Variants in TMEM132D observed in about 807,000 individuals in gnomAD.
The protein encoded by TMEM132D is mature OL transmembrane protein.
A neutral mutation model predicts 62.3 loss-of-function variants in TMEM132D; 21 were observed. That is an observed-to-expected ratio of 0.34 (90% CI 0.24 to 0.49). The LOEUF is 0.49. Among genes scored for constraint, TMEM132D ranks in the 20% least tolerant of loss-of-function variants. TMEM132D has a pLI of 0.99. For synonymous variants in TMEM132D, 621 were observed against 575.6 expected (o/e 1.08, Z -1.13); for missense variants, 1,346 against 1,402.8 (o/e 0.96, Z 0.65).
At chr12:129,355,841 T>C (rs1870024563) in intron 3 of TMEM132D, among the ~76,000 whole-genome samples, 1 of 152,180 alleles carries the variant, frequency 6.6e-6, no homozygotes. Flanking sequence ...CTAAAGTGCC[T>C]GAGAGTTCCT....
chr12:129,777,686 G>A (rs1870983694), intron 1 of TMEM132D, among the ~76,000 whole-genome samples: 1 of 152,118 alleles, frequency 6.6e-6, no homozygotes, highest in African/African-American at 2.4e-5. Context: ...ACAACTCAGA[G>A]GAATTTCCTC....
At chr12:129,558,279 T>C (rs1877118202) in intron 2 of TMEM132D, among the ~76,000 whole-genome samples, 1 of 152,184 alleles carries the variant, frequency 6.6e-6, no homozygotes, top group African/African-American at 2.4e-5. Flanking sequence ...TACATGGAAG[T>C]GACACACATC....
chr12:129,188,754 GGAGAGAGGGAGAGAGAGAGAGAGAGA>G (rs1393964962), intron 5 of TMEM132D, among the ~76,000 whole-genome samples: 1 of 122,500 alleles, frequency 8.2e-6, no homozygotes, highest in Admixed American at 8.1e-5. Context: ...AGAGGGGGAG[GGAGAGAGGGAGAGAGAGAGAGAGAGA>G]GAGAGAGAGA....
chr12:129,125,054 G>A (rs1359778725), intron 5 of TMEM132D, among the ~76,000 whole-genome samples: 1 of 152,198 alleles, frequency 6.6e-6, no homozygotes, highest in Non-Finnish European at 1.5e-5. Flanking sequence ...TTCTGGCAAG[G>A]CTGGAGGGGG....
chr12:129,387,047 C>T (rs1871125528), intron 3 of TMEM132D, among the ~76,000 whole-genome samples: 1 of 152,030 alleles, frequency 6.6e-6, no homozygotes, highest in African/African-American at 2.4e-5. Context: ...GTACTATGTG[C>T]CAACACTAAG....
At chr12:129,813,630 A>T (rs915573392) in intron 1 of TMEM132D, among the ~76,000 whole-genome samples, 11 of 147,058 alleles carry the variant, frequency 7.5e-5, no homozygotes, top group African/African-American at 2.3e-4. Context: ...ATATATATAT[A>T]TTTTCAGGAC....
intron 1 of TMEM132D, among the ~76,000 whole-genome samples, chr12:129,770,371 T>TGGCCTCGTGATCTGCC (rs1454062927): frequency 6.6e-6 from 1 of 152,140 alleles, no homozygotes; most frequent in Non-Finnish European, 1.5e-5. Context: ...CTCAAACTCC[T>TGGCCTCGTGATCTGCC]GGCCTCGTGA....
At chr12:129,569,635 C>T (rs74337875) in intron 2 of TMEM132D, among the ~76,000 whole-genome samples, 288 of 152,218 alleles carry the variant, frequency 1.9e-3, no homozygotes, top group African/African-American at 6.7e-3. Context: ...GATGTAAGCA[C>T]AAAATACAAG....
At chr12:129,585,972 C>G (rs1878019902) in intron 2 of TMEM132D, among the ~76,000 whole-genome samples, 1 of 152,002 alleles carries the variant, frequency 6.6e-6, no homozygotes, top group East Asian at 1.9e-4. Flanking sequence ...TGTCAAAATG[C>G]ACTGCAGAAT....
chr12:129,763,853 A>G (rs1397468373), intron 1 of TMEM132D, among the ~76,000 whole-genome samples: 1 of 152,152 alleles, frequency 6.6e-6, no homozygotes, highest in Non-Finnish European at 1.5e-5. Context: ...CGCAGGTGGA[A>G]CGTAAGTGCT....
chr12:129,776,407 C>T (rs570310422), intron 1 of TMEM132D, among the ~76,000 whole-genome samples: 1 of 152,048 alleles, frequency 6.6e-6, no homozygotes, highest in Non-Finnish European at 1.5e-5. Context: ...AAAAACTCAG[C>T]GCCTTCCAAT....
chr12:129,710,585 C>T (rs1007583640), intron 1 of TMEM132D, among the ~76,000 whole-genome samples: 2 of 151,690 alleles, frequency 1.3e-5, no homozygotes, highest in Non-Finnish European at 2.9e-5. Flanking sequence ...GCATGAGCAC[C>T]GTGCCCCGCC....
intron 1 of TMEM132D, among the ~76,000 whole-genome samples, chr12:129,784,609 A>T (rs1871207139): frequency 6.6e-6 from 1 of 151,940 alleles, no homozygotes. Flanking sequence ...TCTTTCTCTC[A>T]TCTTTGTTTT....
chr12:129,282,817 C>G (rs1881192640), intron 4 of TMEM132D, among the ~76,000 whole-genome samples: 1 of 152,090 alleles, frequency 6.6e-6, no homozygotes, highest in African/African-American at 2.4e-5. Context: ...TAGCCAAAAG[C>G]ACAGGCAATG....
At chr12:129,709,882 G>T (rs1593129707) in intron 1 of TMEM132D, among the ~76,000 whole-genome samples, 3 of 152,148 alleles carry the variant, frequency 2.0e-5, no homozygotes, top group South Asian at 2.1e-4. Flanking sequence ...CCACTAAGAG[G>T]CTGAGCTATG....
intron 2 of TMEM132D, among the ~76,000 whole-genome samples, chr12:129,535,771 TGTGTGCGTGTG>T (rs1415181359): frequency 3.4e-4 from 23 of 66,868 alleles, no homozygotes; most frequent in South Asian, 2.6e-3. Flanking sequence ...ATTTAAGATT[TGTGTGCGTGTG>T]TGTGTGTGTG....
chr12:129,599,798 TA>T (rs1878438236), intron 2 of TMEM132D, among the ~76,000 whole-genome samples: 1 of 152,174 alleles, frequency 6.6e-6, no homozygotes, highest in South Asian at 2.1e-4. Flanking sequence ...ACATTATGTC[TA>T]AAAAAACTAT....
chr12:129,504,869 A>T (rs1284330809), intron 3 of TMEM132D, among the ~76,000 whole-genome samples: 1 of 152,154 alleles, frequency 6.6e-6, no homozygotes. Flanking sequence ...CTTTCCCCTT[A>T]GCACTGCCTT....
intron 1 of TMEM132D, among the ~76,000 whole-genome samples, chr12:129,816,092 T>C (rs1002878841): frequency 4.0e-5 from 6 of 151,854 alleles, no homozygotes; most frequent in African/African-American, 1.5e-4. Context: ...TTGCCTGTCA[T>C]TTAATCCAAA....
Sources: allele counts gnomAD v4.1 joint callset (sites outside exome capture counted in the v4.1 genomes callset), GRCh38; gene constraint gnomAD v4.1.1; transcripts MANE v1.5; gene names NCBI Gene and HGNC (gene_info 2026-07-23, HGNC 2026-07-21).